The following MPIG6B variants were observed in gnomAD, a reference collection of about 807,000 sequenced individuals.
The protein encoded by MPIG6B is immunoglobulin receptor.
Under a neutral mutation model 24.2 loss-of-function variants are expected in MPIG6B, and 22 were observed. The ratio of observed to expected loss-of-function variants is 0.91; its 90% CI spans 0.65 to 1.30. The LOEUF (loss-of-function observed/expected upper bound fraction) is 1.30, where lower values mean the gene tolerates loss of function less well. Among genes scored for constraint, MPIG6B ranks in the 50% most tolerant of loss-of-function variants. The pLI, the probability that MPIG6B is intolerant of heterozygous loss-of-function variation, is 0.00. For missense variants in MPIG6B, 301 were observed against 318.5 expected (o/e 0.94, Z 0.42); for synonymous variants, 136 against 142.0 (o/e 0.96, Z 0.30).
upstream of MPIG6B, chr6:31,723,293 G>A: frequency 3.9e-6 from 2 of 516,452 alleles, no homozygotes; most frequent in East Asian, 1.0e-4. This position sits in a 1 kb window ranked among gnomAD's most constrained non-coding sequence, Gnocchi z 4.3. Flanking sequence ...CAGCCCCTCC[G>A]TTCTCCCCAC....
At chr6:31,721,528 G>A, upstream of MPIG6B, 2 of 1,110,172 alleles carry the variant, frequency 1.8e-6, no homozygotes, top group South Asian at 1.4e-5. Flanking sequence ...GGCTGGGGGT[G>A]TTGGGATCCC....
Position 31,726,266 on chromosome 6 carries a change from C to T in MPIG6B, c.*1192C>T, listed in dbSNP as rs1227930782. 6.6e-6 allele frequency: 1 copy of T among 152,300 alleles called. No individual in the cohort carries two copies. The highest frequency in any genetic ancestry group is 1.5e-5 in the Non-Finnish European group (1 of 68,056). 9.4% of individuals were successfully genotyped at this position (152,300 alleles called of 1,614,324 possible). A position where few individuals can be genotyped will look rare whatever the true frequency, so the allele number is the denominator to read the frequency against. On this transcript the variant is annotated 3_prime_UTR_variant, in exon 6 of 6. Coordinates refer to ENST00000649779, the MANE Select transcript of MPIG6B (RefSeq NM_138272.3). This position sits in a 1 kb window ranked among gnomAD's most constrained non-coding sequence, Gnocchi z 5.1. ...CTCCTTAGCTTCAGCTCTGTGCCCACGTGCCTTGGCTTTGGATACAAGGTA... is the reference window on the plus strand; with the variant it reads ...CTCCTTAGCTTCAGCTCTGTGCCCATGTGCCTTGGCTTTGGATACAAGGTA...
In MPIG6B at chr6:31,723,756, G is replaced by A; in HGVS notation, c.179G>A (p.Arg60His). ...FPACKGLSKG[R>H]RPILWASSSG... ...GCCTGCAAGGGCCTGTCCAAAGGAC[G>A]CCGACCGATCCTGTGGGCCTCTTCG... is the stretch of plus-strand genomic sequence containing the variant. The change falls in exon 2 of 6, where the codon CGC (arginine) becomes CAC (histidine). Residue 60 changes from arginine to histidine, a missense_variant. Arg to His is a conservative substitution (Grantham distance 29). Coordinates refer to ENST00000649779, the MANE Select transcript of MPIG6B (RefSeq NM_138272.3). This position sits in a 1 kb window ranked among gnomAD's most constrained non-coding sequence, Gnocchi z 4.3. 1.2e-6 allele frequency: 2 copies of A among 1,613,680 alleles called. No homozygotes were observed. Among genetic ancestry groups the A allele is most frequent in the Non-Finnish European group, 1.7e-6 (2 of 1,180,006 alleles).
rs1282875865 is a variant in MPIG6B at position 31,724,754 on chromosome 6, C to T, written c.542-11C>T. ...TTCTCTCCATCCTTCAGCTCTGTCC[C>T]CCCCACATAGCTCCACTTGTGAAAA... On this transcript the variant is annotated splice_polypyrimidine_tract_variant and intron_variant, in intron 4 of 5. Coordinates refer to ENST00000649779, the MANE Select transcript of MPIG6B (RefSeq NM_138272.3). 1 of 1,614,018 alleles carries T rather than the reference C, an allele frequency of 6.2e-7. No individual in the cohort carries two copies. Among genetic ancestry groups the T allele is most frequent in the Non-Finnish European group, 8.5e-7 (1 of 1,179,934 alleles).
In MPIG6B at chr6:31,723,909, G is replaced by GCCAC. The variant is rs1283590950; in HGVS notation, c.333_336dup (p.Glu113ProfsTer68). ...TCGGGCACTTTTTTCTGCAAGGGCC[G>GCCAC]CCACGAGGACGAGAGCCGTACAGTG... On this transcript the variant is annotated frameshift_variant, in exon 2 of 6. Transcript: ENST00000649779. LOFTEE classifies it high-confidence loss of function. This position sits in a 1 kb window ranked among gnomAD's most constrained non-coding sequence, Gnocchi z 4.3. 1 of 1,600,044 alleles carries GCCAC rather than the reference G, an allele frequency of 6.2e-7. No individual in the cohort carries two copies. The highest frequency in any genetic ancestry group is 8.5e-7 in the Non-Finnish European group (1 of 1,173,000).
At chr6:31,724,024 C>G in intron 2 of MPIG6B, 38 bp downstream of exon 2, 1 of 1,560,376 alleles carries the variant, frequency 6.4e-7, no homozygotes, top group South Asian at 1.2e-5. Flanking sequence ...TACTTAACTC[C>G]GACACATACC....
chr6:31,722,044 G>A (rs913277017), upstream of MPIG6B, among the ~76,000 whole-genome samples: 9 of 152,204 alleles, frequency 5.9e-5, no homozygotes, highest in African/African-American at 2.2e-4. Flanking sequence ...AGGCCTCTGT[G>A]ATTTACAGTG....
At position 31,723,591 on chromosome 6, in the gene MPIG6B, G is replaced by C; in HGVS notation, c.62-48G>C. On this transcript the variant is annotated intron_variant, in intron 1 of 5. Transcript: ENST00000649779. The surrounding 1 kb of genome is among the most constrained non-coding windows in gnomAD (Gnocchi z 4.3). The stretch of plus-strand genomic sequence containing the variant: ...GAAAGAGGAGACGGGATGGAGGGTC[G>C]TCTTGCCCTGTGGACGTGCCCTAAC... 6.8e-7 allele frequency: 1 copy of C among 1,477,922 alleles called. No individual in the cohort carries two copies. The highest frequency in any genetic ancestry group is 9.2e-7 in the Non-Finnish European group (1 of 1,090,614). 91.6% of individuals were successfully genotyped at this position (1,477,922 alleles called of 1,614,324 possible).
At position 31,723,605 on chromosome 6, in the gene MPIG6B, A is replaced by G. The variant is rs1423470059; in HGVS notation, c.62-34A>G. 6.6e-7 allele frequency: 1 copy of G among 1,505,958 alleles called. No individual in the cohort carries two copies. Among genetic ancestry groups the G allele is most frequent in the Admixed American group, 1.9e-5 (1 of 52,050 alleles). 93.3% of individuals were successfully genotyped at this position (1,505,958 alleles called of 1,614,324 possible). A position where few individuals can be genotyped will look rare whatever the true frequency, so the allele number is the denominator to read the frequency against. On this transcript the variant is annotated intron_variant, in intron 1 of 5. Transcript: ENST00000649779. The surrounding 1 kb of genome is among the most constrained non-coding windows in gnomAD (Gnocchi z 4.3). ...GATGGAGGGTCGTCTTGCCCTGTGG[A>G]CGTGCCCTAACCACAGCCTCCGGCC...
chr6:31,723,322 C>T (rs569297882), upstream of MPIG6B: 8 of 1,343,060 alleles, frequency 6.0e-6, no homozygotes, highest in South Asian at 2.4e-5. This position sits in a 1 kb window ranked among gnomAD's most constrained non-coding sequence, Gnocchi z 4.3. Context: ...TCCCTCCGGT[C>T]CCCCCCCAAC....
chr6:31,724,361 G>T, intron 3 of MPIG6B, 129 bp downstream of exon 3: 1 of 874,864 alleles, frequency 1.1e-6, no homozygotes. Context: ...AATGGGAGAG[G>T]TCAAAGGTGG....
At chr6:31,721,363 G>A (rs553263592), upstream of MPIG6B, among the ~76,000 whole-genome samples, 74 of 152,226 alleles carry the variant, frequency 4.9e-4, 1 homozygote, top group Middle Eastern at 3.4e-3. Context: ...CCTTGGAGTG[G>A]GGAACAGGGG....
upstream of MPIG6B, chr6:31,720,926 G>C (rs903098091): frequency 6.6e-6 from 1 of 152,292 alleles, no homozygotes; most frequent in African/African-American, 2.4e-5. The surrounding 1 kb of genome is among the most constrained non-coding windows in gnomAD (Gnocchi z 4.9). Flanking sequence ...CGCAGGGTCC[G>C]AGGGTGGAAG....
chr6:31,725,218 C>A lies in MPIG6B; in HGVS notation c.*144C>A, dbSNP rs758051097. The stretch of plus-strand genomic sequence containing the variant: ...GACTGGGAGTTGGGAGACCTGGGTT[C>A]CAGGCTGTCTCTGCCACTGGTCTTA... On this transcript the variant is annotated 3_prime_UTR_variant, in exon 6 of 6. Coordinates refer to ENST00000649779, the MANE Select transcript of MPIG6B (RefSeq NM_138272.3). The surrounding 1 kb of genome is among the most constrained non-coding windows in gnomAD (Gnocchi z 5.2). 22 of 629,686 alleles carry A rather than the reference C, an allele frequency of 3.5e-5. No individual in the cohort carries two copies. The highest frequency in any genetic ancestry group is 6.2e-5 in the Non-Finnish European group (22 of 356,756). 39.0% of individuals were successfully genotyped at this position (629,686 alleles called of 1,614,324 possible). A position where few individuals can be genotyped will look rare whatever the true frequency, so the allele number is the denominator to read the frequency against.
At chr6:31,723,319 G>C, upstream of MPIG6B, 1 of 1,048,002 alleles carries the variant, frequency 9.5e-7, no homozygotes, top group Non-Finnish European at 1.3e-6. This position sits in a 1 kb window ranked among gnomAD's most constrained non-coding sequence, Gnocchi z 4.3. Flanking sequence ...ACTTCCCTCC[G>C]GTCCCCCCCC....
At chr6:31,723,167 T>C, upstream of MPIG6B, 3 of 606,760 alleles carry the variant, frequency 4.9e-6, 1 homozygote, top group African/African-American at 5.5e-5. The surrounding 1 kb of genome is among the most constrained non-coding windows in gnomAD (Gnocchi z 4.3). Context: ...TTTGTGTAAA[T>C]GGCCCGAGCA....
rs932146308 is a variant in MPIG6B, at chr6:31,725,633, T to A, written c.*559T>A. 6.5e-6 allele frequency: 1 copy of A among 153,154 alleles called. No individual in the cohort carries two copies. The highest frequency in any genetic ancestry group is 2.4e-5 in the African/African-American group (1 of 41,478). The allele number at this position is 153,154 out of a possible 1,614,324, so 9.5% of individuals were successfully genotyped here. ...TGAGCCACCGCGCCCGGCCTGATTC[T>A]TTAAGCTGTTTTTCTTTGTTGCTGG... is the stretch of plus-strand genomic sequence containing the variant. On this transcript the variant is annotated 3_prime_UTR_variant, in exon 6 of 6. Coordinates refer to ENST00000649779, the MANE Select transcript of MPIG6B (RefSeq NM_138272.3). This position sits in a 1 kb window ranked among gnomAD's most constrained non-coding sequence, Gnocchi z 5.2.
rs747971800 is a variant in MPIG6B at position 31,724,195 on chromosome 6, G to T, written c.463G>T (p.Gly155Ter). The change falls in exon 3 of 6, where the codon GGA (glycine) becomes TGA (stop). Residue 155 changes from glycine (G) to a stop codon, truncating the protein, a stop_gained. Coordinates refer to ENST00000649779, the MANE Select transcript of MPIG6B (RefSeq NM_138272.3). LOFTEE classifies it high-confidence loss of function. ...GCTGCTGGGCGCTGGGTTGGTGCTCGGACTGGGAGCTTTGGGCCTGGTCTG... is the reference window on the plus strand; with the variant it reads ...GCTGCTGGGCGCTGGGTTGGTGCTCTGACTGGGAGCTTTGGGCCTGGTCTG... ...IPLLGAGLVL[G>*]LGALGLVWWL... 4.3e-6 allele frequency: 7 copies of T among 1,613,102 alleles called. No homozygotes were observed. Among genetic ancestry groups the T allele is most frequent in the Non-Finnish European group, 5.1e-6 (6 of 1,179,966 alleles).
intron 3 of MPIG6B, 155 bp downstream of exon 3, chr6:31,724,387 CTG>C: frequency 5.3e-6 from 4 of 756,690 alleles, no homozygotes; most frequent in Non-Finnish European, 9.0e-6. Flanking sequence ...AGGCCGCTGA[CTG>C]GTGAGTAGAG....
Sources: gnomAD v4.1 joint callset for allele counts (sites outside exome capture counted in the v4.1 genomes callset) on GRCh38, gnomAD v4.1.1 for gene constraint, Gnocchi (gnomAD v3.1) non-coding constraint, MANE v1.5 for transcripts, NCBI Gene and HGNC (gene_info 2026-07-23, HGNC 2026-07-21) for gene names.